The following EYS variants were observed in gnomAD, a reference collection of about 807,000 sequenced individuals.
EYS encodes protein eyes shut homolog.
Under a neutral mutation model 282.1 loss-of-function variants are expected in EYS, and 250 were observed. The observed-to-expected ratio is 0.89, with a 90% CI of 0.80 to 0.98. The LOEUF is 0.98. Among genes scored for constraint, EYS ranks in the 50% least tolerant of loss-of-function variants. EYS has a pLI of 0.00. For missense variants in EYS, 4,016 were observed against 3,709.0 expected (o/e 1.08, Z -2.15); for synonymous variants, 1,355 against 1,282.9 (o/e 1.06, Z -1.20).
intron 33 of EYS, among the ~76,000 whole-genome samples, chr6:64,018,831 A>G (rs1463607330): frequency 7.4e-6 from 1 of 134,690 alleles, no homozygotes; most frequent in Non-Finnish European, 1.5e-5. Context: ...CTGGAGTGCA[A>G]TGGCACAGTC....
chr6:64,477,483 C>T (rs1286710119), intron 26 of EYS, among the ~76,000 whole-genome samples: 1 of 152,068 alleles, frequency 6.6e-6, no homozygotes, highest in Non-Finnish European at 1.5e-5. Flanking sequence ...TGCCCTCTGC[C>T]TCATCCTGTC....
In EYS at chr6:65,661,065, CTT is replaced by C. The variant is rs553821776; in HGVS notation, c.-447-21175_-447-21174del. Among the ~76,000 whole-genome samples the C allele has an allele frequency of 2.3e-3, 347 of 151,908 alleles. 3 individuals carry two copies. The highest frequency in any genetic ancestry group is 7.8e-3 in the African/African-American group (325 of 41,508). On this transcript the variant is annotated intron_variant, in intron 1 of 42. Coordinates refer to ENST00000503581, the MANE Select transcript of EYS (RefSeq NM_001142800.2). ...AATAACTCGGTCTATAAGTGGTAGTCTTTTATTTGTTTTTCTGCAGCTCCTAA... is the reference window on the plus strand; with the variant it reads ...AATAACTCGGTCTATAAGTGGTAGTCTTATTTGTTTTTCTGCAGCTCCTAA...
At chr6:64,626,715 T>C (rs1767621303) in intron 22 of EYS, among the ~76,000 whole-genome samples, 1 of 152,216 alleles carries the variant, frequency 6.6e-6, no homozygotes, top group Admixed American at 6.5e-5. Context: ...ATGGCCTTGC[T>C]GACACTTTAG....
At chr6:63,826,845 C>CAAAAAAAAAAAAAAAAAAGGAAAAAA (rs1771475758) in intron 36 of EYS, among the ~76,000 whole-genome samples, 29 of 76,760 alleles carry the variant, frequency 3.8e-4, no homozygotes, top group East Asian at 1.2e-3. Context: ...AGTTAAAAAG[C>CAAAAAAAAAAAAAAAAAAGGAAAAAA]AAAAAAAAAA....
At chr6:65,529,178 G>T (rs1390166329) in intron 2 of EYS, among the ~76,000 whole-genome samples, 3 of 152,002 alleles carry the variant, frequency 2.0e-5, no homozygotes. Context: ...ATAATGAAAG[G>T]ACATTTCAAG....
intron 5 of EYS, among the ~76,000 whole-genome samples, chr6:65,452,098 C>T (rs1764421738): frequency 6.6e-6 from 1 of 151,592 alleles, no homozygotes; most frequent in Non-Finnish European, 1.5e-5. Context: ...TAATATATGT[C>T]ATACACTTGT....
intron 32 of EYS, among the ~76,000 whole-genome samples, chr6:64,071,066 T>C (rs1248840654): frequency 6.6e-6 from 1 of 151,942 alleles, no homozygotes; most frequent in Non-Finnish European, 1.5e-5. Context: ...TTGCTCAACA[T>C]TAATTAAGTG....
At chr6:64,159,559 TAAAA>T (rs35139594) in intron 31 of EYS, among the ~76,000 whole-genome samples, 8 of 59,936 alleles carry the variant, frequency 1.3e-4, no homozygotes, top group African/African-American at 4.3e-4. Context: ...GACTCTGTCT[TAAAA>T]AAAAAAAAAA....
chr6:64,098,953 A>C (rs1772731440), intron 31 of EYS, among the ~76,000 whole-genome samples: 1 of 152,174 alleles, frequency 6.6e-6, no homozygotes, highest in African/African-American at 2.4e-5. Context: ...TTATTGTTAC[A>C]TTATTCTTTA....
At chr6:64,430,307 G>T (rs1582743190) in intron 28 of EYS, among the ~76,000 whole-genome samples, 1 of 152,242 alleles carries the variant, frequency 6.6e-6, no homozygotes, top group East Asian at 1.9e-4. Flanking sequence ...TATATGATGT[G>T]ATGATGAAAC....
chr6:64,417,130 T>G (rs1774080894), intron 28 of EYS, among the ~76,000 whole-genome samples: 1 of 152,196 alleles, frequency 6.6e-6, no homozygotes, highest in African/African-American at 2.4e-5. Context: ...ATTAGAGCTT[T>G]TATACATTAC....
intron 33 of EYS, among the ~76,000 whole-genome samples, chr6:64,014,718 T>G (rs1242451907): frequency 6.6e-6 from 1 of 152,124 alleles, no homozygotes; most frequent in Non-Finnish European, 1.5e-5. Context: ...GGTTTCTGGT[T>G]TCTCTACCAG....
chr6:65,105,305 T>C (rs1204090268), intron 12 of EYS, among the ~76,000 whole-genome samples: 2 of 151,706 alleles, frequency 1.3e-5, no homozygotes, highest in Non-Finnish European at 3.0e-5. Flanking sequence ...TCTTATAATG[T>C]TGCATTTCAG....
chr6:64,280,935 T>C (rs2150361507), intron 30 of EYS, among the ~76,000 whole-genome samples: 1 of 152,194 alleles, frequency 6.6e-6, no homozygotes, highest in South Asian at 2.1e-4. Context: ...TTATATGCAG[T>C]TTTTTGGAAA....
chr6:64,372,778 T>A (rs1357648363), intron 29 of EYS, among the ~76,000 whole-genome samples: 1 of 152,222 alleles, frequency 6.6e-6, no homozygotes. Context: ...GACTAATTTA[T>A]TTTGGAGAGC....
chr6:64,268,525 G>A (rs1000247644), intron 30 of EYS, among the ~76,000 whole-genome samples: 11 of 152,110 alleles, frequency 7.2e-5, no homozygotes, highest in Non-Finnish European at 1.6e-4. Context: ...TTGAGGAGGT[G>A]TAATAGAAGG....
At chr6:65,279,202 A>T (rs1768149479) in intron 12 of EYS, among the ~76,000 whole-genome samples, 1 of 130,544 alleles carries the variant, frequency 7.7e-6, no homozygotes, top group Admixed American at 7.4e-5. Context: ...AAAAAAAAAT[A>T]ATAATAACAA....
At chr6:65,432,065 T>G (rs1307884735) in intron 5 of EYS, among the ~76,000 whole-genome samples, 1 of 152,150 alleles carries the variant, frequency 6.6e-6, no homozygotes, top group Non-Finnish European at 1.5e-5. Context: ...TAAACCCAGT[T>G]AATTAAAATC....
chr6:64,708,008 T>C (rs1026608844), intron 22 of EYS, among the ~76,000 whole-genome samples: 1 of 151,646 alleles, frequency 6.6e-6, no homozygotes, highest in Non-Finnish European at 1.5e-5. Context: ...AATAGAAATA[T>C]ACAGCACAAA....
Sources: gnomAD v4.1 joint callset for allele counts (sites outside exome capture counted in the v4.1 genomes callset) on GRCh38, gnomAD v4.1.1 for gene constraint, MANE v1.5 for transcripts, NCBI Gene and HGNC (gene_info 2026-07-23, HGNC 2026-07-21) for gene names.